ANKRD6: variants seen among roughly 807,000 people sequenced by gnomAD.
ANKRD6 encodes the protein ankyrin repeat domain 6.
In ANKRD6, 56 loss-of-function variants were observed where a neutral mutation model predicts 82.3. That is an observed-to-expected ratio of 0.68 (90% CI 0.55 to 0.85). The LOEUF (loss-of-function observed/expected upper bound fraction) is 0.85. Ranked by LOEUF, ANKRD6 falls within the 40% of genes least tolerant of loss-of-function variation. The probability of loss-of-function intolerance (pLI) is 0.00; values close to 1 mark genes in which losing one functional copy is unlikely to be tolerated. For synonymous variants in ANKRD6, 347 were observed against 352.1 expected (o/e 0.99, Z 0.16); for missense variants, 852 against 907.6 (o/e 0.94, Z 0.79).
At chr6:89,605,523 G>A (rs1798317493) in intron 4 of ANKRD6, among the ~76,000 whole-genome samples, 1 of 152,164 alleles carries the variant, frequency 6.6e-6, no homozygotes, top group Admixed American at 6.5e-5. Flanking sequence ...AAAAAAGTTG[G>A]GGAATCGATC....
At chr6:89,533,066 G>A (rs886160227) in intron 1 of ANKRD6, among the ~76,000 whole-genome samples, 1 of 151,760 alleles carries the variant, frequency 6.6e-6, no homozygotes. Context: ...TAGTAGAGAC[G>A]GGGTTTCACC....
chr6:89,544,497 A>G (rs549962972), intron 1 of ANKRD6, among the ~76,000 whole-genome samples: 1 of 151,788 alleles, frequency 6.6e-6, no homozygotes, highest in East Asian at 2.0e-4. Flanking sequence ...GGCAGATCAC[A>G]AGGTCAGGAG....
intron 2 of ANKRD6, among the ~76,000 whole-genome samples, chr6:89,571,059 TTTG>T (rs1181786435): frequency 1.3e-5 from 2 of 152,104 alleles, no homozygotes; most frequent in Admixed American, 6.5e-5. Flanking sequence ...TTTTTGTTTG[TTTG>T]TTTTTTTGAG....
At chr6:89,570,711 T>C in intron 2 of ANKRD6, among the ~76,000 whole-genome samples, 1 of 152,228 alleles carries the variant, frequency 6.6e-6, no homozygotes, top group Middle Eastern at 3.2e-3. Context: ...TCATGTAGCA[T>C]GTACCAGAAT....
chr6:89,473,266 C>G (rs1238224172), intron 1 of ANKRD6, among the ~76,000 whole-genome samples: 1 of 151,890 alleles, frequency 6.6e-6, no homozygotes, highest in Non-Finnish European at 1.5e-5. Flanking sequence ...CAAAAATTAG[C>G]CAGGCATGGC....
intron 1 of ANKRD6, among the ~76,000 whole-genome samples, chr6:89,457,435 G>A (rs758621412): frequency 2.6e-5 from 4 of 152,090 alleles, no homozygotes; most frequent in African/African-American, 4.8e-5. Context: ...CTTACCTTAC[G>A]TGCATGTCAT....
intron 2 of ANKRD6, among the ~76,000 whole-genome samples, chr6:89,582,993 T>C (rs1375586087): frequency 6.6e-6 from 1 of 152,192 alleles, no homozygotes; most frequent in Non-Finnish European, 1.5e-5. Flanking sequence ...CAAAAGTCAG[T>C]GGTTCTCAGT....
At chr6:89,547,997 G>A (rs1785327138) in intron 1 of ANKRD6, among the ~76,000 whole-genome samples, 2 of 152,154 alleles carry the variant, frequency 1.3e-5, no homozygotes, top group Admixed American at 6.5e-5. Flanking sequence ...AATGAAATCC[G>A]TGTCTGATTT....
At chr6:89,611,870 A>G (rs1241563091) in intron 5 of ANKRD6, among the ~76,000 whole-genome samples, 1 of 152,256 alleles carries the variant, frequency 6.6e-6, no homozygotes, top group Non-Finnish European at 1.5e-5. Context: ...GCAGGAAGTC[A>G]TCTGATAGGA....
intron 1 of ANKRD6, among the ~76,000 whole-genome samples, chr6:89,467,503 A>G (rs1169353099): frequency 2.0e-5 from 3 of 152,260 alleles, no homozygotes; most frequent in East Asian, 1.9e-4. Context: ...ACTAGACACT[A>G]TCTTAGTATT....
chr6:89,525,840 T>C (rs142739213), intron 1 of ANKRD6, among the ~76,000 whole-genome samples: 187 of 152,378 alleles, frequency 1.2e-3, no homozygotes, highest in African/African-American at 4.1e-3. Flanking sequence ...ACACAGTCTT[T>C]GTAAGCTGGT....
At chr6:89,484,522 G>T (rs918174217) in intron 1 of ANKRD6, among the ~76,000 whole-genome samples, 1 of 152,182 alleles carries the variant, frequency 6.6e-6, no homozygotes, top group Non-Finnish European at 1.5e-5. Flanking sequence ...TTCCTTAACT[G>T]CTTACAGAGA....
intron 14 of ANKRD6, 36 bp downstream of exon 14, chr6:89,627,732 T>C: frequency 1.9e-6 from 3 of 1,597,500 alleles, no homozygotes; most frequent in Non-Finnish European, 2.6e-6. Context: ...TAACTTATGA[T>C]TTACCACACA....
chr6:89,446,031 C>T (rs984376767), intron 1 of ANKRD6, among the ~76,000 whole-genome samples: 4 of 152,152 alleles, frequency 2.6e-5, no homozygotes, highest in Non-Finnish European at 5.9e-5. Context: ...TTTGGGCCTC[C>T]TATTCCCTAA....
chr6:89,614,194 A>G (rs1272028826), intron 7 of ANKRD6, among the ~76,000 whole-genome samples: 3 of 152,218 alleles, frequency 2.0e-5, no homozygotes, highest in African/African-American at 7.2e-5. Flanking sequence ...AAGAAAACCC[A>G]CGAGGAAGAA....
At position 89,630,880 on chromosome 6, in the gene ANKRD6, T is replaced by C. The variant is rs368515909; in HGVS notation, c.2060T>C (p.Ile687Thr). ...TQMEKWYERK[I>T]EEARSQANQK... ...ATGGAAAAGTGGTATGAAAGGAAGATTGAAGAAGCACGAAGCCAAGCCAAT... is the reference window on the plus strand; with the variant it reads ...ATGGAAAAGTGGTATGAAAGGAAGACTGAAGAAGCACGAAGCCAAGCCAAT... Residue 687 changes from isoleucine to threonine, a missense_variant, in exon 16 of 16, where the codon ATT (isoleucine) becomes ACT (threonine). Coordinates refer to ENST00000339746, the MANE Select transcript of ANKRD6 (RefSeq NM_001242809.2). 69 of 1,613,568 alleles carry C rather than the reference T, an allele frequency of 4.3e-5. No individual in the cohort carries two copies. The East Asian group carries it at 1.4e-3, about 34-fold the overall frequency.
At chr6:89,613,740 A>G in intron 6 of ANKRD6, 52 bp from the exon 7 acceptor site, 2 of 1,521,894 alleles carry the variant, frequency 1.3e-6, no homozygotes, top group Non-Finnish European at 1.8e-6. Flanking sequence ...ACTTTTCTCT[A>G]TTTGTTTTGT....
chr6:89,481,699 G>A (rs1776830785), intron 1 of ANKRD6, among the ~76,000 whole-genome samples: 1 of 151,788 alleles, frequency 6.6e-6, no homozygotes, highest in African/African-American at 2.4e-5. Context: ...GCTGCTTGCA[G>A]TAGTGGTACT....
chr6:89,599,215 A>T (rs956916893), intron 3 of ANKRD6, among the ~76,000 whole-genome samples: 333 of 152,294 alleles, frequency 2.2e-3, no homozygotes, highest in Non-Finnish European at 4.1e-3. Flanking sequence ...TCTACAAAAA[A>T]TAAAAAAATT....
Sources: gnomAD v4.1 joint callset for allele counts (sites outside exome capture counted in the v4.1 genomes callset) on GRCh38, gnomAD v4.1.1 for gene constraint, MANE v1.5 for transcripts, NCBI Gene and HGNC (gene_info 2026-07-23, HGNC 2026-07-21) for gene names.